The following CTIF variants were observed in gnomAD, a reference collection of about 807,000 sequenced individuals.
CTIF encodes the protein cap binding complex dependent translation initiation factor, also known as CBP80/20-dependent translation initiation factor.
Under a neutral mutation model 66.0 loss-of-function variants are expected in CTIF, and 21 were observed. The ratio of observed to expected loss-of-function variants is 0.32; its 90% CI spans 0.23 to 0.46. The LOEUF (loss-of-function observed/expected upper bound fraction) is 0.46. Ranked by LOEUF, CTIF falls within the 20% of genes least tolerant of loss-of-function variation. The pLI, the probability that CTIF is intolerant of heterozygous loss-of-function variation, is 1.00. For missense variants in CTIF, 739 were observed against 812.7 expected, an observed-to-expected ratio of 0.91 and a Z score of 1.10; for synonymous variants, 345 against 326.4, an observed-to-expected ratio of 1.06 and a Z score of -0.62.
At chr18:48,635,124 G>A (rs2090789455) in intron 2 of CTIF, among the ~76,000 whole-genome samples, 1 of 152,068 alleles carries the variant, frequency 6.6e-6, no homozygotes, top group South Asian at 2.1e-4. Context: ...CCCAGCCTAT[G>A]TCAACAACAT....
chr18:48,701,601 A>T (rs1017632758), intron 6 of CTIF, among the ~76,000 whole-genome samples: 1 of 152,064 alleles, frequency 6.6e-6, no homozygotes, highest in African/African-American at 2.4e-5. Flanking sequence ...GAAGCCTGAC[A>T]ATGGTAGTTG....
intron 7 of CTIF, among the ~76,000 whole-genome samples, chr18:48,719,369 A>G (rs142945186): frequency 1.3e-5 from 2 of 152,144 alleles, no homozygotes; most frequent in Non-Finnish European, 1.5e-5. Flanking sequence ...AGAGTCCCAC[A>G]TCCTACAAAA....
intron 1 of CTIF, among the ~76,000 whole-genome samples, chr18:48,615,724 G>T (rs947017853): frequency 6.6e-6 from 1 of 152,216 alleles, no homozygotes; most frequent in Admixed American, 6.5e-5. Flanking sequence ...GCCAGGGGCC[G>T]GGGGCTTCCT....
At chr18:48,603,886 T>C (rs1420995060) in intron 1 of CTIF, among the ~76,000 whole-genome samples, 1 of 150,670 alleles carries the variant, frequency 6.6e-6, no homozygotes, top group Non-Finnish European at 1.5e-5. Flanking sequence ...AGTCTCACTG[T>C]TGCCCAGGCT....
intron 7 of CTIF, among the ~76,000 whole-genome samples, chr18:48,753,902 G>A (rs781116966): frequency 1.2e-4 from 19 of 152,150 alleles, no homozygotes; most frequent in African/African-American, 2.2e-4. Flanking sequence ...CGCAGGTTTC[G>A]TGGGGAGCAG....
At chr18:48,795,079 A>C (rs1433013236) in intron 9 of CTIF, among the ~76,000 whole-genome samples, 1 of 152,006 alleles carries the variant, frequency 6.6e-6, no homozygotes, top group Non-Finnish European at 1.5e-5. Flanking sequence ...AATAGATGTC[A>C]CCTTCACCTT....
intron 1 of CTIF, among the ~76,000 whole-genome samples, chr18:48,603,411 A>G (rs1344108497): frequency 7.4e-6 from 1 of 135,316 alleles, no homozygotes; most frequent in Non-Finnish European, 1.5e-5. Context: ...GAATGAGTGG[A>G]TTGATGGATG....
chr18:48,702,398 G>A (rs530020022), intron 6 of CTIF, among the ~76,000 whole-genome samples: 1 of 152,308 alleles, frequency 6.6e-6, no homozygotes, highest in African/African-American at 2.4e-5. Context: ...CTTTTAAGGG[G>A]GTCGTGGAAT....
intron 9 of CTIF, among the ~76,000 whole-genome samples, chr18:48,773,283 A>G (rs2145981676): frequency 6.6e-6 from 1 of 152,376 alleles, no homozygotes; most frequent in South Asian, 2.1e-4. Flanking sequence ...TGTTGGACTT[A>G]AAGATGTTTT....
At chr18:48,576,005 G>A (rs1000092500) in intron 1 of CTIF, among the ~76,000 whole-genome samples, 3 of 152,248 alleles carry the variant, frequency 2.0e-5, no homozygotes, top group Admixed American at 1.3e-4. Context: ...CTGCAGAAAC[G>A]TGCACTGTGG....
chr18:48,805,974 C>A (rs2068138839), intron 9 of CTIF, among the ~76,000 whole-genome samples: 1 of 152,202 alleles, frequency 6.6e-6, no homozygotes, highest in East Asian at 1.9e-4. Flanking sequence ...AACAGGATTC[C>A]TGCCTTCAGG....
intron 9 of CTIF, among the ~76,000 whole-genome samples, chr18:48,786,760 G>A (rs1401584124): frequency 6.6e-6 from 1 of 152,144 alleles, no homozygotes; most frequent in African/African-American, 2.4e-5. Flanking sequence ...GAACTTCGAA[G>A]GGAAAGGAGG....
intron 2 of CTIF, among the ~76,000 whole-genome samples, chr18:48,632,570 T>C (rs1040888164): frequency 1.3e-5 from 2 of 152,162 alleles, no homozygotes; most frequent in African/African-American, 4.8e-5. Flanking sequence ...CCTGGGCCAG[T>C]TCAGCCTCCC....
chr18:48,643,795 T>G (rs2090976889), intron 3 of CTIF, among the ~76,000 whole-genome samples: 1 of 152,176 alleles, frequency 6.6e-6, no homozygotes, highest in South Asian at 2.1e-4. Flanking sequence ...CCCAACAAAC[T>G]CCCATGCACT....
intron 10 of CTIF, chr18:48,826,194 G>A (rs2068579107): frequency 6.6e-6 from 1 of 152,214 alleles, no homozygotes; most frequent in African/African-American, 2.4e-5. Context: ...TTTCTGTGAA[G>A]CAAGTGGCAT....
chr18:48,678,687 G>A (rs1266064198), intron 6 of CTIF, among the ~76,000 whole-genome samples: 2 of 151,382 alleles, frequency 1.3e-5, no homozygotes, highest in South Asian at 2.1e-4. Context: ...CACTGTCTGC[G>A]TCTAGATGGG....
chr18:48,689,621 G>T lies in CTIF; in HGVS notation c.507+18877G>T, dbSNP rs8090601. Among the ~76,000 whole-genome samples the T allele has an allele frequency of 6.4e-3, 969 of 152,300 alleles. 13 individuals carry two copies. The highest frequency in any genetic ancestry group is 0.022 in the African/African-American group (922 of 41,564). ...GGCCCACCTGAAAGGAGCCTTCATG[G>T]TTGTCCATATAACACAGCCCCTTTC... On this transcript the variant is annotated intron_variant, in intron 6 of 11. Transcript: ENST00000256413.
At chr18:48,660,304 C>T (rs990734506) in intron 3 of CTIF, among the ~76,000 whole-genome samples, 1 of 152,084 alleles carries the variant, frequency 6.6e-6, no homozygotes, top group Non-Finnish European at 1.5e-5. Context: ...GCACTGGTTG[C>T]CACCGTGACT....
At chr18:48,650,538 G>A (rs2091136672) in intron 3 of CTIF, among the ~76,000 whole-genome samples, 1 of 152,174 alleles carries the variant, frequency 6.6e-6, no homozygotes, top group Non-Finnish European at 1.5e-5. Context: ...GAACCAAGTT[G>A]GAAAACACTC....
Sources: gnomAD v4.1 joint callset for allele counts (sites outside exome capture counted in the v4.1 genomes callset) on GRCh38, gnomAD v4.1.1 for gene constraint, MANE v1.5 for transcripts, NCBI Gene and HGNC (gene_info 2026-07-23, HGNC 2026-07-21) for gene names.